Variants in NUP214 observed in about 807,000 individuals in gnomAD.
NUP214 encodes nuclear pore complex protein Nup214.
Under a neutral mutation model 196.2 loss-of-function variants are expected in NUP214, and 79 were observed. The observed-to-expected ratio is 0.40, with a 90% confidence interval of 0.34 to 0.49. NUP214 has a LOEUF of 0.49. NUP214 is among the 20% of genes least tolerant of loss of function. NUP214 has a pLI of 0.58. For missense variants in NUP214, 2,468 were observed against 2,539.0 expected (o/e 0.97, Z 0.60); for synonymous variants, 1,020 against 990.5 (o/e 1.03, Z -0.56).
chr9:131,211,602 G>C (rs997204420), intron 30 of NUP214, among the ~76,000 whole-genome samples: 2 of 152,194 alleles, frequency 1.3e-5, no homozygotes, highest in Non-Finnish European at 2.9e-5. Flanking sequence ...AAATTGTGAA[G>C]ATTTCATGGA....
chr9:131,143,639 C>T (rs926281429), intron 11 of NUP214, among the ~76,000 whole-genome samples: 5 of 151,394 alleles, frequency 3.3e-5, no homozygotes, highest in Admixed American at 3.3e-4. Flanking sequence ...AGTTAGTTTC[C>T]CTGTTTATTA....
intron 30 of NUP214, among the ~76,000 whole-genome samples, chr9:131,213,461 C>T (rs926052356): frequency 2.0e-5 from 3 of 152,152 alleles, no homozygotes; most frequent in South Asian, 4.1e-4. Context: ...GGGCATGAGC[C>T]GCTGCACCCA....
intron 27 of NUP214, among the ~76,000 whole-genome samples, chr9:131,193,629 C>CTTTTTTTTGTTTTTTTTTTTTTTTTTTTT (rs1833678932): frequency 3.5e-5 from 1 of 28,218 alleles, no homozygotes; most frequent in Admixed American, 8.0e-4. Context: ...TCTTCCTTTT[C>CTTTTTTTTGTTTTTTTTTTTTTTTTTTTT]TTTTTTTTTT....
intron 30 of NUP214, among the ~76,000 whole-genome samples, chr9:131,202,476 G>A (rs1833966760): frequency 6.6e-6 from 1 of 151,760 alleles, no homozygotes; most frequent in Non-Finnish European, 1.5e-5. Flanking sequence ...CAGGCTGGAG[G>A]ACAATGGCAC....
intron 17 of NUP214, chr9:131,159,140 C>T (rs1832548931): frequency 2.1e-6 from 1 of 487,502 alleles, no homozygotes; most frequent in African/African-American, 2.0e-5. Flanking sequence ...TCTTTAACTC[C>T]TGGCTTCAAG....
chr9:131,189,286 A>G (rs1833538275), intron 26 of NUP214, among the ~76,000 whole-genome samples, 155 bp downstream of exon 26: 1 of 152,222 alleles, frequency 6.6e-6, no homozygotes, highest in African/African-American at 2.4e-5. Flanking sequence ...ACAAGAGATC[A>G]TATTTGAAAG....
chr9:131,189,367 T>C (rs1833540558), intron 26 of NUP214, among the ~76,000 whole-genome samples: 1 of 152,236 alleles, frequency 6.6e-6, no homozygotes, highest in Admixed American at 6.5e-5. Flanking sequence ...CTGAAATTTT[T>C]AGGTTAGTTT....
intron 30 of NUP214, among the ~76,000 whole-genome samples, chr9:131,207,106 T>C (rs1475886090): frequency 6.6e-6 from 1 of 152,210 alleles, no homozygotes; most frequent in Non-Finnish European, 1.5e-5. Flanking sequence ...CTGGCTAGGA[T>C]GTAAAAGAAT....
chr9:131,205,818 G>A (rs1448686448), intron 30 of NUP214, among the ~76,000 whole-genome samples: 5 of 152,080 alleles, frequency 3.3e-5, no homozygotes, highest in Non-Finnish European at 7.4e-5. Flanking sequence ...GAGCAGCTGG[G>A]ATTATAGGTG....
chr9:131,214,839 G>C (rs1242169438), intron 30 of NUP214, among the ~76,000 whole-genome samples: 1 of 152,230 alleles, frequency 6.6e-6, no homozygotes, highest in Non-Finnish European at 1.5e-5. Flanking sequence ...AGAATAAGTG[G>C]TGTCCGTAAT....
chr9:131,233,498 GC>G lies in NUP214; in HGVS notation c.*12del. The stretch of plus-strand genomic sequence containing the variant: ...GGCTGGCGAAGCTGAGGGCGTGTCA[GC>G]AGGCCTTTCGATCCCTGGGACCAAC... On this transcript the variant is annotated 3_prime_UTR_variant, in exon 36 of 36. Coordinates refer to ENST00000359428, the MANE Select transcript of NUP214 (RefSeq NM_005085.4). 6.2e-7 allele frequency: 1 copy of G among 1,613,788 alleles called. No individual in the cohort carries two copies. Among genetic ancestry groups the G allele is most frequent in the African/African-American group, 1.3e-5 (1 of 75,038 alleles).
chr9:131,230,345 C>T (rs1834841111), intron 33 of NUP214: 2 of 435,682 alleles, frequency 4.6e-6, no homozygotes, highest in Admixed American at 3.7e-5. Flanking sequence ...CTGTGTACTG[C>T]ATAGTTCCCA....
intron 11 of NUP214, among the ~76,000 whole-genome samples, chr9:131,143,837 T>G (rs1319881421): frequency 1.3e-5 from 2 of 152,180 alleles, no homozygotes; most frequent in African/African-American, 4.8e-5. Context: ...ACTTCTAAAT[T>G]TATCAAGGTG....
At chr9:131,175,786 CAG>C in intron 23 of NUP214, 165 bp downstream of exon 23, 1 of 1,042,634 alleles carries the variant, frequency 9.6e-7, no homozygotes, top group Non-Finnish European at 1.3e-6. Context: ...TCTAAGAAAG[CAG>C]AGACTAGGTC....
At chr9:131,184,790 T>A (rs1465593867) in intron 24 of NUP214, among the ~76,000 whole-genome samples, 1 of 152,224 alleles carries the variant, frequency 6.6e-6, no homozygotes, top group African/African-American at 2.4e-5. Context: ...TTTGAAGACA[T>A]TAAATTTACC....
chr9:131,162,745 G>A (rs1832678702), intron 18 of NUP214: 1 of 476,200 alleles, frequency 2.1e-6, no homozygotes, highest in African/African-American at 2.0e-5. Context: ...TTCACCTAAT[G>A]TATGCTGTCC....
chr9:131,196,025 T>TCC (rs1365777357), intron 28 of NUP214, among the ~76,000 whole-genome samples: 24 of 3,664 alleles, frequency 6.6e-3, no homozygotes, highest in Admixed American at 0.022. Context: ...ACTCTGTGTG[T>TCC]CCCCCCCCCC....
At chr9:131,188,916 CT>C (rs1471145127) in intron 25 of NUP214, 136 bp from the exon 26 acceptor site, 2 of 631,398 alleles carry the variant, frequency 3.2e-6, no homozygotes, top group Admixed American at 6.1e-5. Context: ...TTTCCTTTTT[CT>C]TTTTGGTAAT....
chr9:131,132,740 C>T lies in NUP214; in HGVS notation c.727+81C>T, dbSNP rs373995458. On this transcript the variant is annotated intron_variant, in intron 6 of 35. Transcript: ENST00000359428. ...AGAAATTCAAAATCATGTAATGTACCTGCTCAGTGAGGTATTGGTGTTTGC... is the reference window on the plus strand; with the variant it reads ...AGAAATTCAAAATCATGTAATGTACTTGCTCAGTGAGGTATTGGTGTTTGC... 6.7e-5 allele frequency: 79 copies of T among 1,179,478 alleles called. No individual in the cohort carries two copies. In the East Asian group the frequency reaches 7.2e-4, roughly 11 times the overall value. 73.1% of individuals were successfully genotyped at this position (1,179,478 alleles called of 1,614,324 possible).
Sources: gnomAD v4.1 joint callset for allele counts (sites outside exome capture counted in the v4.1 genomes callset) on GRCh38, gnomAD v4.1.1 for gene constraint, MANE v1.5 for transcripts, NCBI Gene and HGNC (gene_info 2026-07-23, HGNC 2026-07-21) for gene names.